MTCL1: variants seen among roughly 807,000 people sequenced by gnomAD.
The protein encoded by MTCL1 is microtubule crosslinking factor 1.
MTCL1 carries 79 observed loss-of-function variants against 141.4 expected under a neutral mutation model. The ratio of observed to expected loss-of-function variants is 0.56; its 90% CI spans 0.47 to 0.67. The LOEUF (loss-of-function observed/expected upper bound fraction) is 0.67, where lower values mean the gene tolerates loss of function less well. MTCL1 is among the 30% of genes least tolerant of loss of function. The pLI is 0.00. For missense variants in MTCL1, 2,177 were observed against 2,113.9 expected, an observed-to-expected ratio of 1.03 and a Z score of -0.59; for synonymous variants, 914 against 875.8, an observed-to-expected ratio of 1.04 and a Z score of -0.77.
At chr18:8,746,987 T>C (rs2148934326) in intron 4 of MTCL1, among the ~76,000 whole-genome samples, 1 of 152,262 alleles carries the variant, frequency 6.6e-6, no homozygotes, top group East Asian at 1.9e-4. Context: ...GTTCCGTCTC[T>C]CCACCCACAC....
chr18:8,751,824 C>T (rs2096372935), intron 4 of MTCL1, among the ~76,000 whole-genome samples: 2 of 152,122 alleles, frequency 1.3e-5, no homozygotes, highest in African/African-American at 2.4e-5. Flanking sequence ...CAGATGGAGC[C>T]GTGGGATTCG....
At chr18:8,705,591 C>G (rs1468550921), upstream of MTCL1, 6 of 1,019,632 alleles carry the variant, frequency 5.9e-6, no homozygotes, top group Non-Finnish European at 7.1e-6. The surrounding 1 kb of genome is among the most constrained non-coding windows in gnomAD (Gnocchi z 5.2). Flanking sequence ...CTGCACGCCG[C>G]CGCCGCCGCC....
intron 4 of MTCL1, among the ~76,000 whole-genome samples, chr18:8,734,835 G>A (rs1326830750): frequency 6.6e-6 from 1 of 152,194 alleles, no homozygotes; most frequent in African/African-American, 2.4e-5. Flanking sequence ...TGGGGGTGGT[G>A]ACCCAGGCAT....
chr18:8,778,081 T>A (rs2096518629), intron 5 of MTCL1, 189 bp downstream of exon 4: 1 of 497,468 alleles, frequency 2.0e-6, no homozygotes, highest in East Asian at 3.2e-5. Context: ...CTCCTCCCTC[T>A]TGTTTCTCCC....
Position 8,760,596 on chromosome 18 carries a change from G to A in MTCL1, c.358-17237G>A, listed in dbSNP as rs80250452. Among the ~76,000 whole-genome samples the A allele has an allele frequency of 2.5e-3, 379 of 152,334 alleles. 2 individuals are homozygous for A. The highest frequency in any genetic ancestry group is 8.9e-3 in the African/African-American group (369 of 41,574). On this transcript the variant is annotated intron_variant, in intron 4 of 16. Coordinates refer to ENST00000359865, the Ensembl canonical transcript of MTCL1. ...TCAGGAATAGAAAGTAATGCTTGCA[G>A]TGTTTTCCTTTTCTTCATTCCTTTT... is the stretch of plus-strand genomic sequence containing the variant.
chr18:8,785,162 G>A (rs1417901514), intron 6 of MTCL1, among the ~76,000 whole-genome samples: 1 of 152,106 alleles, frequency 6.6e-6, no homozygotes, highest in Admixed American at 6.5e-5. Context: ...AGGGCTCGAC[G>A]CATGCCGGCC....
chr18:8,713,830 C>G (rs529066836), upstream of MTCL1, among the ~76,000 whole-genome samples: 3 of 152,240 alleles, frequency 2.0e-5, no homozygotes, highest in East Asian at 5.8e-4. Flanking sequence ...GTAATCCCAG[C>G]TACTCAGGAG....
chr18:8,829,670 G>A (rs531595675), intron 16 of MTCL1: 638 of 985,232 alleles, frequency 6.5e-4, no homozygotes, highest in Admixed American at 1.3e-3. Flanking sequence ...GCCTTGACTC[G>A]AAGCCAGTAG....
chr18:8,815,131 G>C (rs530745925), intron 12 of MTCL1, among the ~76,000 whole-genome samples: 42 of 152,128 alleles, frequency 2.8e-4, no homozygotes, highest in Admixed American at 2.0e-3. Context: ...GGTATATACC[G>C]AAAGGATTAT....
At chr18:8,763,970 A>G (rs2096446176) in intron 4 of MTCL1, among the ~76,000 whole-genome samples, 1 of 123,020 alleles carries the variant, frequency 8.1e-6, no homozygotes, top group South Asian at 2.7e-4. Flanking sequence ...CAGACTTTAT[A>G]TACTTGGTGA....
intron 4 of MTCL1, among the ~76,000 whole-genome samples, chr18:8,776,895 G>C (rs1400910913): frequency 6.6e-6 from 1 of 152,120 alleles, no homozygotes; most frequent in Non-Finnish European, 1.5e-5. Flanking sequence ...CCTAGTAGCT[G>C]AGACTACAGG....
chr18:8,729,657 G>A (rs1188731955), intron 4 of MTCL1, among the ~76,000 whole-genome samples: 3 of 128,406 alleles, frequency 2.3e-5, no homozygotes, highest in East Asian at 4.5e-4. Flanking sequence ...TCTCACTTTG[G>A]CTTCCCAAGA....
At chr18:8,790,125 C>A (rs1224904848) in intron 7 of MTCL1, among the ~76,000 whole-genome samples, 1 of 152,220 alleles carries the variant, frequency 6.6e-6, no homozygotes, top group Non-Finnish European at 1.5e-5. Flanking sequence ...CCCCAGTGAA[C>A]TGGCTCAAGG....
At chr18:8,763,255 A>G (rs1210205720) in intron 4 of MTCL1, among the ~76,000 whole-genome samples, 3 of 152,258 alleles carry the variant, frequency 2.0e-5, no homozygotes, top group Non-Finnish European at 2.9e-5. Flanking sequence ...GAGGAAAACG[A>G]TGTCCAAGAA....
At position 8,763,977 on chromosome 18, in the gene MTCL1, G is replaced by T. The variant is rs182818992; in HGVS notation, c.358-13856G>T. ...TTTTATTTCAGACTTTATATACTTG[G>T]TGAAGTTAGGGTTCTAAATTCTGTT... On this transcript the variant is annotated intron_variant, in intron 4 of 16. Transcript: ENST00000359865. Among the ~76,000 whole-genome samples, 15 of 57,208 alleles carry T rather than the reference G, an allele frequency of 2.6e-4. No individual in the cohort carries two copies. The East Asian group carries it at 0.019, about 72-fold the overall frequency. 37.5% of individuals were successfully genotyped at this position (57,208 alleles called of 152,430 possible).
At chr18:8,705,600 C>CCGCCGCCGCCGT, upstream of MTCL1, 2 of 1,206,364 alleles carry the variant, frequency 1.7e-6, no homozygotes, top group Non-Finnish European at 2.0e-6. This position sits in a 1 kb window ranked among gnomAD's most constrained non-coding sequence, Gnocchi z 5.2. Flanking sequence ...GCCGCCGCCG[C>CCGCCGCCGCCGT]CGCCGCCGCC....
chr18:8,783,981 G>A (rs1380904949), exon 6 of MTCL1: 1 of 1,613,786 alleles, frequency 6.2e-7, no homozygotes. Context: ...TTGCTCCGGA[G>A]GTCCATCTCC....
intron 4 of MTCL1, among the ~76,000 whole-genome samples, chr18:8,744,776 C>T (rs746393183): frequency 8.5e-5 from 13 of 152,230 alleles, no homozygotes; most frequent in African/African-American, 2.9e-4. Context: ...TTATTCAAGA[C>T]GGGGGCACTC....
At chr18:8,818,916 C>G (rs1198794919) in intron 12 of MTCL1, 47 bp from the exon 12 acceptor site, 1 of 1,561,714 alleles carries the variant, frequency 6.4e-7, no homozygotes, top group Non-Finnish European at 8.7e-7. Flanking sequence ...GGGAGACCAT[C>G]AGACAGAAAA....
Sources: gnomAD v4.1 joint callset for allele counts (sites outside exome capture counted in the v4.1 genomes callset) on GRCh38, gnomAD v4.1.1 for gene constraint, Gnocchi (gnomAD v3.1) non-coding constraint, MANE v1.5 for transcripts, NCBI Gene and HGNC (gene_info 2026-07-23, HGNC 2026-07-21) for gene names.